Variants in RNF169 observed in about 807,000 individuals in gnomAD.
RNF169 encodes E3 ubiquitin-protein ligase RNF169.
In RNF169, 24 loss-of-function variants were observed where a neutral mutation model predicts 53.9. That is an observed-to-expected ratio of 0.45 (90% confidence interval 0.32 to 0.63). The LOEUF (loss-of-function observed/expected upper bound fraction) is 0.63, where lower values mean the gene tolerates loss of function less well. RNF169 is among the 20% of genes least tolerant of loss of function. RNF169 has a pLI of 0.04. For missense variants in RNF169, 883 were observed against 906.2 expected, an observed-to-expected ratio of 0.97 and a Z score of 0.33; for synonymous variants, 396 against 363.5, an observed-to-expected ratio of 1.09 and a Z score of -1.02.
intron 1 of RNF169, among the ~76,000 whole-genome samples, chr11:74,788,495 T>C (rs2035537317): frequency 6.6e-6 from 1 of 152,102 alleles, no homozygotes; most frequent in South Asian, 2.1e-4. Flanking sequence ...TGGGTTCAAG[T>C]GATTGTCCTG....
intron 1 of RNF169, among the ~76,000 whole-genome samples, chr11:74,783,085 T>A (rs897572683): frequency 2.0e-5 from 3 of 152,168 alleles, no homozygotes; most frequent in Non-Finnish European, 2.9e-5. Context: ...CAAGGGATGC[T>A]TTCCTTTGGA....
intron 2 of RNF169, among the ~76,000 whole-genome samples, chr11:74,793,099 A>G (rs2035602241): frequency 6.6e-6 from 1 of 152,238 alleles, no homozygotes; most frequent in Non-Finnish European, 1.5e-5. Context: ...GAACCTCAAA[A>G]AGATGGTAAG....
chr11:74,785,231 T>A (rs7480681), intron 1 of RNF169, among the ~76,000 whole-genome samples: 1 of 87,024 alleles, frequency 1.1e-5, no homozygotes, highest in Non-Finnish European at 2.0e-5. Flanking sequence ...GTTATATATA[T>A]TATATATATG....
intron 2 of RNF169, among the ~76,000 whole-genome samples, chr11:74,806,034 T>C (rs78275991): frequency 0.045 from 6,777 of 152,068 alleles, 225 homozygotes; most frequent in Non-Finnish European, 0.067. Context: ...TGTATATATA[T>C]ACACACACAC....
chr11:74,822,287 T>C (rs145215304), intron 4 of RNF169, among the ~76,000 whole-genome samples: 1 of 152,168 alleles, frequency 6.6e-6, no homozygotes, highest in African/African-American at 2.4e-5. Flanking sequence ...CTTTAAGCAG[T>C]GTTTTGTAAG....
chr11:74,842,173 G>A lies in RNF169; in HGVS notation c.*5443G>A, dbSNP rs2036659573. On this transcript the variant is annotated 3_prime_UTR_variant, in exon 6 of 6. Coordinates refer to ENST00000299563, the MANE Select transcript of RNF169 (RefSeq NM_001098638.2). ...TGGAGAAGGTACCTGGATCCTTGTG[G>A]ACTGCCACTGCTGGCTGCCTCCTCT... is the stretch of plus-strand genomic sequence containing the variant. 1 of 152,184 alleles carries A rather than the reference G, an allele frequency of 6.6e-6. No homozygotes were observed. Among genetic ancestry groups the A allele is most frequent in the Admixed American group, 6.5e-5 (1 of 15,280 alleles). The allele number at this position is 152,184 out of a possible 1,614,324, so 9.4% of individuals were successfully genotyped here.
intron 4 of RNF169, among the ~76,000 whole-genome samples, chr11:74,823,519 T>C (rs2036046532): frequency 6.6e-6 from 1 of 152,130 alleles, no homozygotes; most frequent in East Asian, 1.9e-4. Context: ...GAGGATTGCT[T>C]GAGCTCTGGA....
At chr11:74,816,204 A>G (rs1565184313) in intron 3 of RNF169, among the ~76,000 whole-genome samples, 1 of 152,228 alleles carries the variant, frequency 6.6e-6, no homozygotes, top group Non-Finnish European at 1.5e-5. Flanking sequence ...GCCTACATCT[A>G]CAACTCTTAC....
At chr11:74,810,421 T>C in intron 3 of RNF169, 91 bp downstream of exon 3, 1 of 1,170,024 alleles carries the variant, frequency 8.5e-7, no homozygotes, top group Non-Finnish European at 1.3e-6. Context: ...GTTGGTAAAT[T>C]GTGAGACCAG....
chr11:74,775,820 T>C (rs1222480177), intron 1 of RNF169, among the ~76,000 whole-genome samples: 1 of 152,226 alleles, frequency 6.6e-6, no homozygotes, highest in Non-Finnish European at 1.5e-5. Context: ...TATTTATATG[T>C]CTGTCTCTGG....
At chr11:74,781,430 A>G (rs1213740376) in intron 1 of RNF169, among the ~76,000 whole-genome samples, 1 of 152,242 alleles carries the variant, frequency 6.6e-6, no homozygotes, top group Non-Finnish European at 1.5e-5. Context: ...ACCAGACAGT[A>G]CAGAAATAGA....
intron 1 of RNF169, among the ~76,000 whole-genome samples, chr11:74,788,448 A>G (rs542648567): frequency 5.9e-5 from 9 of 152,152 alleles, no homozygotes; most frequent in Non-Finnish European, 1.3e-4. Flanking sequence ...GCTGGAGTAC[A>G]GTGGCATGAT....
rs2036466689 is a variant in RNF169, at chr11:74,841,082, T to C, written c.*4352T>C. 1 of 152,078 alleles carries C rather than the reference T, an allele frequency of 6.6e-6. No individual in the cohort carries two copies. The highest frequency in any genetic ancestry group is 6.6e-5 in the Admixed American group (1 of 15,264). The allele number at this position is 152,078 out of a possible 1,614,324, so 9.4% of individuals were successfully genotyped here. ...AATATGAATGTGGAATCTTGGAAAG[T>C]GATATATTTTGATTGGAATAATTTT... On this transcript the variant is annotated 3_prime_UTR_variant, in exon 6 of 6. Coordinates refer to ENST00000299563, the MANE Select transcript of RNF169 (RefSeq NM_001098638.2).
At chr11:74,795,390 C>T (rs546786716) in intron 2 of RNF169, among the ~76,000 whole-genome samples, 3 of 151,608 alleles carry the variant, frequency 2.0e-5, no homozygotes, top group Non-Finnish European at 2.9e-5. Flanking sequence ...CAGTGTGTTG[C>T]CCAGGCTGGA....
chr11:74,789,566 C>T, intron 1 of RNF169, 60 bp from the exon 2 acceptor site: 1 of 1,019,180 alleles, frequency 9.8e-7, no homozygotes, highest in East Asian at 2.4e-5. Flanking sequence ...TGTATTGTGC[C>T]TCCTGTGGGT....
intron 2 of RNF169, among the ~76,000 whole-genome samples, chr11:74,807,040 G>C (rs1009229721): frequency 1.3e-5 from 2 of 151,742 alleles, no homozygotes; most frequent in South Asian, 2.1e-4. Context: ...TTAATGTGCA[G>C]ATGTCAATAA....
At chr11:74,767,252 T>G (rs776195523) in intron 1 of RNF169, among the ~76,000 whole-genome samples, 1 of 152,120 alleles carries the variant, frequency 6.6e-6, no homozygotes, top group Non-Finnish European at 1.5e-5. Context: ...TGGCTTAACA[T>G]TAGGAATCTA....
intron 1 of RNF169, among the ~76,000 whole-genome samples, chr11:74,765,762 A>G (rs1469037072): frequency 1.3e-5 from 2 of 151,476 alleles, no homozygotes; most frequent in African/African-American, 4.9e-5. Context: ...AGATTGCGCC[A>G]TTGCACTCCA....
At chr11:74,788,654 C>T (rs1391870134) in intron 1 of RNF169, among the ~76,000 whole-genome samples, 4 of 152,278 alleles carry the variant, frequency 2.6e-5, no homozygotes, top group South Asian at 4.1e-4. Flanking sequence ...CTTGGCCTCA[C>T]GAAGTGCTTG....
Sources: gnomAD v4.1 joint callset for allele counts (sites outside exome capture counted in the v4.1 genomes callset) on GRCh38, gnomAD v4.1.1 for gene constraint, MANE v1.5 for transcripts, NCBI Gene and HGNC (gene_info 2026-07-23, HGNC 2026-07-21) for gene names.